SEMA5A: variants seen among roughly 807,000 people sequenced by gnomAD.
The protein encoded by SEMA5A is semaphorin 5A, also known as semaphorin-5A.
A neutral mutation model predicts 135.5 loss-of-function variants in SEMA5A; 55 were observed. The ratio of observed to expected loss-of-function variants is 0.41; its 90% CI spans 0.33 to 0.51. SEMA5A has a LOEUF of 0.51. SEMA5A is among the 20% of genes least tolerant of loss of function. SEMA5A has a pLI of 0.37. For synonymous variants in SEMA5A, 580 were observed against 546.5 expected, an observed-to-expected ratio of 1.06 and a Z score of -0.85; for missense variants, 1,290 against 1,419.9, an observed-to-expected ratio of 0.91 and a Z score of 1.47.
chr5:9,439,997 G>C (rs938879837), intron 1 of SEMA5A, among the ~76,000 whole-genome samples: 3 of 152,244 alleles, frequency 2.0e-5, no homozygotes, highest in African/African-American at 7.2e-5. Flanking sequence ...ACAGCCTGGG[G>C]GCTTGTCAGC....
At chr5:9,213,327 G>C (rs994835616) in intron 8 of SEMA5A, among the ~76,000 whole-genome samples, 2 of 152,226 alleles carry the variant, frequency 1.3e-5, no homozygotes, top group African/African-American at 4.8e-5. Flanking sequence ...GGACCCAGGA[G>C]TGAGAAAAAG....
chr5:9,449,832 T>C (rs1409472425), intron 1 of SEMA5A, among the ~76,000 whole-genome samples: 3 of 152,154 alleles, frequency 2.0e-5, no homozygotes, highest in Non-Finnish European at 4.4e-5. Context: ...AACCCCTTTC[T>C]TACAAGTTGC....
intron 12 of SEMA5A, among the ~76,000 whole-genome samples, chr5:9,147,692 C>T (rs1742413856): frequency 7.6e-6 from 1 of 131,874 alleles, no homozygotes; most frequent in Non-Finnish European, 1.6e-5. Flanking sequence ...TCCTTTCCCC[C>T]AATTAGTTCA....
chr5:9,372,418 G>T (rs1443206180), intron 3 of SEMA5A, among the ~76,000 whole-genome samples: 5 of 152,092 alleles, frequency 3.3e-5, no homozygotes, highest in African/African-American at 1.2e-4. Flanking sequence ...ATGGAACCAT[G>T]GGATATGTGT....
chr5:9,432,740 C>T (rs1282579928), intron 2 of SEMA5A, among the ~76,000 whole-genome samples: 2 of 152,294 alleles, frequency 1.3e-5, no homozygotes, highest in South Asian at 2.1e-4. Context: ...ACTGCACAAA[C>T]GAGGACATCT....
intron 3 of SEMA5A, among the ~76,000 whole-genome samples, chr5:9,371,362 G>A (rs1368824738): frequency 6.6e-6 from 1 of 152,092 alleles, no homozygotes; most frequent in Non-Finnish European, 1.5e-5. Flanking sequence ...ATCAGCCAAA[G>A]ATCAATAACA....
intron 12 of SEMA5A, among the ~76,000 whole-genome samples, chr5:9,151,899 C>A (rs2150253468): frequency 6.6e-6 from 1 of 152,314 alleles, no homozygotes; most frequent in Middle Eastern, 3.4e-3. Flanking sequence ...CCAGTGTCAT[C>A]ATTCTCCTTG....
At chr5:9,232,696 C>T (rs186497643) in intron 6 of SEMA5A, among the ~76,000 whole-genome samples, 3 of 152,096 alleles carry the variant, frequency 2.0e-5, no homozygotes, top group African/African-American at 4.8e-5. Context: ...CTATTTTCAA[C>T]TGAGCTGACT....
Position 9,545,272 on chromosome 5 carries a change from G to C in SEMA5A, c.-175+312C>G, listed in dbSNP as rs1415655595. 5.9e-5 allele frequency among the ~76,000 whole-genome samples: 9 copies of C among 152,110 alleles called. No individual in the cohort carries two copies. The highest frequency in any genetic ancestry group is 1.4e-4 in the African/African-American group (6 of 41,424). Reference sequence around the variant, plus strand: ...AGTGTGCGCACCTTTCCGGGTGTTGGGCAGGGGTCCCGTCTCGCCCACCGC... The same window carrying C: ...AGTGTGCGCACCTTTCCGGGTGTTGCGCAGGGGTCCCGTCTCGCCCACCGC... On this transcript the variant is annotated intron_variant, in intron 1 of 22. Transcript: ENST00000382496. This position sits in a 1 kb window ranked among gnomAD's most constrained non-coding sequence, Gnocchi z 4.5.
At chr5:9,356,519 A>G (rs1342993066) in intron 3 of SEMA5A, among the ~76,000 whole-genome samples, 1 of 152,210 alleles carries the variant, frequency 6.6e-6, no homozygotes, top group African/African-American at 2.4e-5. Context: ...CAGTTAGAAG[A>G]AAGTGCAAGC....
intron 15 of SEMA5A, among the ~76,000 whole-genome samples, chr5:9,108,675 A>G (rs1407699160): frequency 2.0e-5 from 3 of 152,220 alleles, no homozygotes; most frequent in African/African-American, 7.2e-5. Flanking sequence ...TTACAGATAC[A>G]AAGTCAGCAT....
chr5:9,095,141 C>T (rs1414567082), intron 16 of SEMA5A, among the ~76,000 whole-genome samples: 1 of 152,072 alleles, frequency 6.6e-6, no homozygotes. Context: ...CAAACTAACA[C>T]AAAAACAGAA....
At chr5:9,474,660 C>G (rs992406654) in intron 1 of SEMA5A, among the ~76,000 whole-genome samples, 1 of 152,210 alleles carries the variant, frequency 6.6e-6, no homozygotes. Flanking sequence ...ATTGCAGAAT[C>G]ATTTCCATTG....
rs370647994 is a variant in SEMA5A, at chr5:9,331,233, C to T, written c.224+6480G>A. Among the ~76,000 whole-genome samples, 104 of 152,142 alleles carry T rather than the reference C, an allele frequency of 6.8e-4. 1 individual carries two copies. Among genetic ancestry groups the T allele is most frequent in the African/African-American group, 2.4e-3 (98 of 41,522 alleles). ...TTCAAGTAAAAATAAGAATTATAAT[C>T]ACCGAAAAATAATGATATTGGCCAG... On this transcript the variant is annotated intron_variant, in intron 4 of 22. Coordinates refer to ENST00000382496, the MANE Select transcript of SEMA5A (RefSeq NM_003966.3).
chr5:9,493,905 A>C (rs1720954412), intron 1 of SEMA5A, among the ~76,000 whole-genome samples: 1 of 152,224 alleles, frequency 6.6e-6, no homozygotes, highest in Non-Finnish European at 1.5e-5. Flanking sequence ...TTGTTTCTTA[A>C]TATGCTCAGG....
intron 11 of SEMA5A, 62 bp from the exon 12 acceptor site, chr5:9,154,757 T>C: frequency 7.1e-7 from 1 of 1,403,828 alleles, no homozygotes; most frequent in Non-Finnish European, 1.0e-6. Context: ...CAATCCCTGG[T>C]TAAACAGAGT....
chr5:9,208,034 G>A (rs1746144142), intron 8 of SEMA5A, among the ~76,000 whole-genome samples: 1 of 152,132 alleles, frequency 6.6e-6, no homozygotes. Flanking sequence ...CTGGCTGTGT[G>A]AATTTACTCA....
chr5:9,154,517 C>T lies in SEMA5A; in HGVS notation c.1452G>A (p.Leu484=). 2.5e-6 allele frequency: 4 copies of T among 1,612,264 alleles called. No homozygotes were observed. Among genetic ancestry groups the T allele is most frequent in the Non-Finnish European group, 3.4e-6 (4 of 1,179,984 alleles). ...GTGTGCGGTAGAACTGGCACCTCTT[C>T]AGGGGGATCTTGACCACGTGCTCCC... ...GLREHVVKIP[L]KRCQFYRTRS... Residue 484 remains leucine (L), a synonymous_variant, in exon 12 of 23, where the codon CTG becomes CTA. Transcript: ENST00000382496.
chr5:9,053,306 G>A (rs1736697902), intron 19 of SEMA5A, among the ~76,000 whole-genome samples: 1 of 152,172 alleles, frequency 6.6e-6, no homozygotes, highest in Non-Finnish European at 1.5e-5. Flanking sequence ...CTTCACAGCG[G>A]TGCTCCCTGC....
Sources: allele counts gnomAD v4.1 joint callset (sites outside exome capture counted in the v4.1 genomes callset), GRCh38; gene constraint gnomAD v4.1.1; non-coding constraint Gnocchi (gnomAD v3.1); transcripts MANE v1.5; gene names NCBI Gene and HGNC (gene_info 2026-07-23, HGNC 2026-07-21).